The following MACROH2A2 variants were observed in gnomAD, a reference collection of about 807,000 sequenced individuals.
MACROH2A2 encodes macroH2A.2 histone.
In MACROH2A2, 6 loss-of-function variants were observed where a neutral mutation model predicts 37.6. That is an observed-to-expected ratio of 0.16 (90% CI 0.09 to 0.32). The LOEUF is 0.32. Ranked by LOEUF, MACROH2A2 falls within the 10% of genes least tolerant of loss-of-function variation. The pLI is 1.00. For synonymous variants in MACROH2A2, 192 were observed against 202.7 expected, an observed-to-expected ratio of 0.95 and a Z score of 0.45; for missense variants, 290 against 485.9, an observed-to-expected ratio of 0.60 and a Z score of 3.79.
intron 7 of MACROH2A2, among the ~76,000 whole-genome samples, chr10:70,108,100 C>T (rs553783716): frequency 1.3e-5 from 2 of 152,092 alleles, no homozygotes; most frequent in East Asian, 1.9e-4. Context: ...CCCAGCTACT[C>T]GAGAGGCTGA....
intron 7 of MACROH2A2, among the ~76,000 whole-genome samples, chr10:70,104,149 C>T (rs1347401772): frequency 6.6e-6 from 1 of 152,164 alleles, no homozygotes; most frequent in Non-Finnish European, 1.5e-5. Flanking sequence ...CTGTCTAACA[C>T]CACACTGCAT....
intron 7 of MACROH2A2, among the ~76,000 whole-genome samples, chr10:70,102,901 G>A (rs553721819): frequency 4.0e-5 from 6 of 149,094 alleles, no homozygotes; most frequent in Non-Finnish European, 8.8e-5. Flanking sequence ...TGTAGACAGA[G>A]ACAGGAGGGC....
chr10:70,065,007 A>G (rs911981000), intron 1 of MACROH2A2, among the ~76,000 whole-genome samples: 6 of 151,070 alleles, frequency 4.0e-5, no homozygotes, highest in South Asian at 2.1e-4. Flanking sequence ...ATAATCATCA[A>G]TCTTGTCCTT....
At chr10:70,106,802 C>CA (rs56986649) in intron 7 of MACROH2A2, among the ~76,000 whole-genome samples, 9,638 of 64,868 alleles carry the variant, frequency 0.15, 477 homozygotes, top group African/African-American at 0.18. Flanking sequence ...CATCCTGTCT[C>CA]AAAAAAAAAA....
intron 6 of MACROH2A2, chr10:70,098,213 G>A (rs762844862): frequency 6.6e-6 from 1 of 151,614 alleles, no homozygotes; most frequent in Non-Finnish European, 1.5e-5. Context: ...CTACACTCCA[G>A]CCTGGGCCAC....
chr10:70,092,427 T>G (rs1263387159), intron 4 of MACROH2A2, among the ~76,000 whole-genome samples: 2 of 152,136 alleles, frequency 1.3e-5, no homozygotes, highest in African/African-American at 2.4e-5. Flanking sequence ...CGCAAGACCC[T>G]GTCTCTTAAA....
intron 1 of MACROH2A2, among the ~76,000 whole-genome samples, chr10:70,067,308 G>A (rs10823477): frequency 0.042 from 6,330 of 152,134 alleles, 424 homozygotes; most frequent in East Asian, 0.24. Flanking sequence ...ATAACTTCAG[G>A]GTTAGAGAGG....
chr10:70,105,700 G>A (rs2072333521), intron 7 of MACROH2A2, among the ~76,000 whole-genome samples: 1 of 151,850 alleles, frequency 6.6e-6, no homozygotes, highest in Non-Finnish European at 1.5e-5. Flanking sequence ...AGAGGGCTGG[G>A]GCCCGAAGAC....
chr10:70,100,741 C>A (rs774342474), intron 7 of MACROH2A2, among the ~76,000 whole-genome samples: 5 of 151,914 alleles, frequency 3.3e-5, no homozygotes, highest in Non-Finnish European at 7.4e-5. Context: ...CTTAGCCTCC[C>A]GAGTTGCTGG....
At chr10:70,097,609 T>C (rs1302406707) in intron 6 of MACROH2A2, among the ~76,000 whole-genome samples, 2 of 152,206 alleles carry the variant, frequency 1.3e-5, no homozygotes, top group South Asian at 4.1e-4. Context: ...TCACCACCCA[T>C]GGCCACCTTT....
intron 1 of MACROH2A2, among the ~76,000 whole-genome samples, chr10:70,066,111 G>T (rs1037437010): frequency 3.3e-5 from 5 of 152,086 alleles, no homozygotes; most frequent in Non-Finnish European, 7.4e-5. Context: ...TTCACAGGCG[G>T]GGGGATCACT....
At position 70,091,777 on chromosome 10, in the gene MACROH2A2, C is replaced by T. The variant is rs760375300; in HGVS notation, c.300C>T (p.Ile100=). The T allele has an allele frequency of 4.2e-5, 68 of 1,613,730 alleles. No individual in the cohort carries two copies. Among genetic ancestry groups the T allele is most frequent in the South Asian group, 1.5e-4 (14 of 91,054 alleles). ...ELNQLLKGVT[I]ASGGVLPRIH... is the part of the protein sequence containing the mutation. ...TTCAGCTGCTAAAAGGAGTGACCAT[C>T]GCCAGTGGAGGCGTCCTGCCCAGAA... The change falls in exon 4 of 9, where the codon ATC becomes ATT. Residue 100 remains isoleucine (I), a synonymous_variant. Transcript: ENST00000373255.
At chr10:70,066,521 C>G (rs1472736888) in intron 1 of MACROH2A2, among the ~76,000 whole-genome samples, 1 of 152,112 alleles carries the variant, frequency 6.6e-6, no homozygotes, top group Non-Finnish European at 1.5e-5. Context: ...CAAACTGGAG[C>G]TGGAGGTCAG....
intron 2 of MACROH2A2, among the ~76,000 whole-genome samples, chr10:70,085,861 C>T (rs910534348): frequency 5.9e-5 from 9 of 152,130 alleles, no homozygotes; most frequent in Non-Finnish European, 1.2e-4. Flanking sequence ...AAGGATTTGG[C>T]AGGATTAATA....
chr10:70,111,883 G>A lies in MACROH2A2; in HGVS notation c.*200G>A. On this transcript the variant is annotated 3_prime_UTR_variant, in exon 9 of 9. Transcript: ENST00000373255. The stretch of plus-strand genomic sequence containing the variant: ...GTAAGGAAGCAGGTCTCCGCGAGGG[G>A]TTTCTTTCCATGTGTTTTCCTCCTG... The A allele has an allele frequency of 2.5e-6, 1 of 401,904 alleles. No homozygotes were observed. Among genetic ancestry groups the A allele is most frequent in the Non-Finnish European group, 4.4e-6 (1 of 228,300 alleles). 24.9% of individuals were successfully genotyped at this position (401,904 alleles called of 1,614,324 possible). A position where few individuals can be genotyped will look rare whatever the true frequency, so the allele number is the denominator to read the frequency against.
At chr10:70,078,042 A>C (rs1307133155) in intron 2 of MACROH2A2, among the ~76,000 whole-genome samples, 1 of 152,220 alleles carries the variant, frequency 6.6e-6, no homozygotes, top group Non-Finnish European at 1.5e-5. Flanking sequence ...TGTGATGAAA[A>C]TAACTAAGTA....
intron 1 of MACROH2A2, among the ~76,000 whole-genome samples, chr10:70,055,714 A>G (rs1453200296): frequency 6.6e-6 from 1 of 152,200 alleles, no homozygotes; most frequent in Non-Finnish European, 1.5e-5. Flanking sequence ...TGATATAACC[A>G]ATTGGAAGAG....
intron 2 of MACROH2A2, 64 bp from the exon 3 acceptor site, chr10:70,089,995 TA>T (rs1432888362): frequency 2.0e-6 from 2 of 1,007,136 alleles, no homozygotes; most frequent in East Asian, 2.4e-5. Context: ...AGGCCATTTC[TA>T]AAGAAAAGCT....
intron 7 of MACROH2A2, among the ~76,000 whole-genome samples, chr10:70,102,452 C>T (rs538023119): frequency 1.3e-5 from 2 of 152,200 alleles, no homozygotes; most frequent in Non-Finnish European, 2.9e-5. Context: ...GGTACTGTGG[C>T]TCATGCGTGT....
Sources: allele counts gnomAD v4.1 joint callset (sites outside exome capture counted in the v4.1 genomes callset), GRCh38; gene constraint gnomAD v4.1.1; transcripts MANE v1.5; gene names NCBI Gene and HGNC (gene_info 2026-07-23, HGNC 2026-07-21).